The following AREL1 variants were observed in gnomAD, a reference collection of about 807,000 sequenced individuals.
AREL1 encodes the protein apoptosis-resistant E3 ubiquitin protein ligase 1.
AREL1 carries 62 observed loss-of-function variants against 99.0 expected under a neutral mutation model. The observed-to-expected ratio is 0.63, with a 90% confidence interval of 0.51 to 0.77. AREL1 has a LOEUF of 0.77. AREL1 is among the 30% of genes least tolerant of loss of function. The pLI, the probability that AREL1 is intolerant of heterozygous loss-of-function variation, is 0.00. For missense variants in AREL1, 879 were observed against 1,027.6 expected, an observed-to-expected ratio of 0.86 and a Z score of 1.98; for synonymous variants, 380 against 376.5, an observed-to-expected ratio of 1.01 and a Z score of -0.11.
chr14:74,671,913 C>T (rs755590003), intron 11 of AREL1: 15 of 419,680 alleles, frequency 3.6e-5, no homozygotes, highest in Non-Finnish European at 6.3e-5. Context: ...GTTCAGACAG[C>T]GAGCCATGCC....
intron 2 of AREL1, among the ~76,000 whole-genome samples, chr14:74,689,004 T>G (rs1385509876): frequency 2.6e-5 from 4 of 150,974 alleles, no homozygotes; most frequent in African/African-American, 9.7e-5. Flanking sequence ...GCCAGGCTAA[T>G]TTTTTGTATT....
In AREL1 at chr14:74,671,420, G is replaced by A; in HGVS notation, c.1486C>T (p.Gln496Ter). The change falls in exon 12 of 20, where the codon CAG becomes TAG. Residue 496 changes from glutamine (Q) to a stop codon, truncating the protein, a stop_gained. Transcript: ENST00000356357. LOFTEE classifies it high-confidence loss of function. ...TTTCAAAACTGACCTTCTTCATCCTGGAAAACAACCTCAAAGTTCTTGCTC... is the reference window on the plus strand; with the variant it reads ...TTTCAAAACTGACCTTCTTCATCCTAGAAAACAACCTCAAAGTTCTTGCTC... ...DWSKNFEVVF[Q>*]DEEALDWGGP... The A allele has an allele frequency of 6.6e-7, 1 of 1,504,576 alleles. No homozygotes were observed. The highest frequency in any genetic ancestry group is 8.9e-7 in the Non-Finnish European group (1 of 1,121,860). The allele number at this position is 1,504,576 out of a possible 1,614,324, so 93.2% of individuals were successfully genotyped here. A position where few individuals can be genotyped will look rare whatever the true frequency, so the allele number is the denominator to read the frequency against.
chr14:74,690,320 C>T (rs1281958938), intron 2 of AREL1, among the ~76,000 whole-genome samples: 1 of 140,734 alleles, frequency 7.1e-6, no homozygotes, highest in Non-Finnish European at 1.5e-5. Context: ...CATATAGTAA[C>T]TTCAATAAAT....
chr14:74,679,844 T>TAATA (rs141206776), intron 5 of AREL1, among the ~76,000 whole-genome samples: 31 of 150,512 alleles, frequency 2.1e-4, no homozygotes, highest in African/African-American at 3.7e-4. Context: ...AAGAAAATAA[T>TAATA]AATAAATAAA....
In AREL1 at chr14:74,662,217, G is replaced by C. The variant is rs772461128; in HGVS notation, c.*1503C>G. ...CTGAGGTCAGGCAGGAACTGTAGCA[G>C]CTCAGGAGGGCTTGTTCCTCATGAT... On this transcript the variant is annotated 3_prime_UTR_variant, in exon 20 of 20. Coordinates refer to ENST00000356357, the MANE Select transcript of AREL1 (RefSeq NM_001039479.2). 5 of 196,718 alleles carry C rather than the reference G, an allele frequency of 2.5e-5. No individual in the cohort carries two copies. The highest frequency in any genetic ancestry group is 5.1e-5 in the Non-Finnish European group (5 of 97,474). 12.2% of individuals were successfully genotyped at this position (196,718 alleles called of 1,614,324 possible).
intron 13 of AREL1, 164 bp downstream of exon 13, chr14:74,670,598 G>A: frequency 1.7e-6 from 1 of 590,882 alleles, no homozygotes; most frequent in Non-Finnish European, 2.9e-6. Context: ...AATAATAAAG[G>A]CAAAGAGGAG....
rs369794633 is a variant in AREL1, at chr14:74,697,860, G to A, written c.-333-5532C>T. On this transcript the variant is annotated intron_variant, in intron 1 of 19. Coordinates refer to ENST00000356357, the MANE Select transcript of AREL1 (RefSeq NM_001039479.2). ...AATCACAGAAATCTACTGTGCTGCC[G>A]TATTAGACTGTACCTCATTCTATAA... Among the ~76,000 whole-genome samples, 10 of 152,092 alleles carry A rather than the reference G, an allele frequency of 6.6e-5. No individual in the cohort carries two copies. The South Asian group carries it at 8.3e-4, about 13-fold the overall frequency.
chr14:74,706,787 G>A (rs7153812), intron 1 of AREL1, among the ~76,000 whole-genome samples: 48,300 of 151,944 alleles, frequency 0.32, 9,106 homozygotes, highest in African/African-American at 0.53. Flanking sequence ...TTATACTTCC[G>A]TGTAGTAAAA....
At position 74,694,819 on chromosome 14, in the gene AREL1, C is replaced by G. The variant is rs1383587835; in HGVS notation, c.-333-2491G>C. Among the ~76,000 whole-genome samples the G allele has an allele frequency of 1.3e-5, 2 of 151,930 alleles. 1 individual carries two copies. Among genetic ancestry groups the G allele is most frequent in the Admixed American group, 1.3e-4 (2 of 15,246 alleles). On this transcript the variant is annotated intron_variant, in intron 1 of 19. Transcript: ENST00000356357. ...CCTGGCTAACACGGTGAAATCCCGT[C>G]TCTACTAAAAATACAAAAAATTAGC...
intron 8 of AREL1, among the ~76,000 whole-genome samples, chr14:74,674,597 G>C (rs565186008): frequency 5.9e-5 from 9 of 152,248 alleles, no homozygotes; most frequent in Admixed American, 6.5e-5. Flanking sequence ...GTGAGACCCT[G>C]TCTCAAAAAA....
At chr14:74,706,944 C>T (rs1361743882) in intron 1 of AREL1, among the ~76,000 whole-genome samples, 1 of 152,194 alleles carries the variant, frequency 6.6e-6, no homozygotes, top group Non-Finnish European at 1.5e-5. Flanking sequence ...GAATACAAAA[C>T]ACTACCTATG....
chr14:74,665,700 A>T (rs959922719), intron 17 of AREL1, among the ~76,000 whole-genome samples: 2 of 152,228 alleles, frequency 1.3e-5, no homozygotes, highest in Non-Finnish European at 2.9e-5. Context: ...AACATTAATG[A>T]CATCAGAGCC....
chr14:74,679,126 C>T (rs1405975515), intron 5 of AREL1, among the ~76,000 whole-genome samples: 1 of 152,196 alleles, frequency 6.6e-6, no homozygotes, highest in African/African-American at 2.4e-5. Context: ...TCTTGAACTC[C>T]TGGGCTCAAG....
chr14:74,673,183 C>T lies in AREL1; in HGVS notation c.1194G>A (p.Leu398=), dbSNP rs369175156. The change falls in exon 10 of 20, where the codon CTG becomes CTA. Residue 398 remains leucine (L), a synonymous_variant. Transcript: ENST00000356357. ...TGCCATCATCCACCACCAGTGTGAG[C>T]AGCTTATGGACAGGGTCAGGACCAA... ...SYLGPDPVHK[L]LTLVVDDGIQ... 4.3e-6 allele frequency: 7 copies of T among 1,613,982 alleles called. No individual in the cohort carries two copies. The African/African-American group carries it at 5.3e-5, about 12-fold the overall frequency.
intron 1 of AREL1, among the ~76,000 whole-genome samples, chr14:74,708,395 A>G (rs1594773387): frequency 6.6e-6 from 1 of 152,148 alleles, no homozygotes; most frequent in South Asian, 2.1e-4. Flanking sequence ...CTGTTTGCAC[A>G]GCCCACCTGG....
In AREL1 at chr14:74,675,707, A is replaced by G. The variant is rs1375920019; in HGVS notation, c.1072T>C (p.Ser358Pro). 5 of 1,613,580 alleles carry G rather than the reference A, an allele frequency of 3.1e-6. No individual in the cohort carries two copies. The Admixed American group carries it at 8.3e-5, about 27-fold the overall frequency. ...KKPKKVYCYVSPKQFSVKEFY... is the reference protein window; with the variant it reads ...KKPKKVYCYVPPKQFSVKEFY... ...AGAATGGAAGGTCCAACCTTTGGTG[A>G]CACATAGCAGTACACCTTCTTCGGT... The change falls in exon 8 of 20, where the codon TCA becomes CCA. Residue 358 changes from serine (S) to proline (P), a missense_variant. Transcript: ENST00000356357.
rs887413430 is a variant in AREL1 at position 74,664,883 on chromosome 14, T to G, written c.2146A>C (p.Lys716Gln). 8 of 1,613,956 alleles carry G rather than the reference T, an allele frequency of 5.0e-6. No homozygotes were observed. Among genetic ancestry groups the G allele is most frequent in the Non-Finnish European group, 6.8e-6 (8 of 1,179,862 alleles). Residue 716 changes from lysine (K) to glutamine (Q), a missense_variant, in exon 18 of 20, where the codon AAA (lysine) becomes CAA (glutamine). Physicochemically the swap from Lys to Gln is moderately conservative, Grantham distance 53. Coordinates refer to ENST00000356357, the MANE Select transcript of AREL1 (RefSeq NM_001039479.2). The part of the protein sequence containing the change: ...GTGDISVSDF[K>Q]AHAVVVGGSW... ...CCACCAACAACTACTGCATGGGCTTTGAAGTCAGACACACTGATGTCTCCA... is the reference window on the plus strand; with the variant it reads ...CCACCAACAACTACTGCATGGGCTTGGAAGTCAGACACACTGATGTCTCCA...
intron 5 of AREL1, among the ~76,000 whole-genome samples, chr14:74,682,220 G>A (rs918281677): frequency 3.3e-5 from 5 of 152,156 alleles, no homozygotes; most frequent in Non-Finnish European, 7.4e-5. Context: ...ATCAGAGAAA[G>A]AAAATTAAGG....
chr14:74,700,336 A>G (rs2090061096), intron 1 of AREL1, among the ~76,000 whole-genome samples: 1 of 152,258 alleles, frequency 6.6e-6, no homozygotes, highest in African/African-American at 2.4e-5. Context: ...CATCTAGTTT[A>G]TAAGTGAAGG....
Sources: allele counts gnomAD v4.1 joint callset (sites outside exome capture counted in the v4.1 genomes callset), GRCh38; gene constraint gnomAD v4.1.1; transcripts MANE v1.5; gene names NCBI Gene and HGNC (gene_info 2026-07-23, HGNC 2026-07-21).